The following STAT5B variants were observed in gnomAD, a reference collection of about 807,000 sequenced individuals.
STAT5B encodes the protein transcription factor STAT5B.
A neutral mutation model predicts 107.8 loss-of-function variants in STAT5B; 21 were observed. That is an observed-to-expected ratio of 0.19 (90% CI 0.14 to 0.28). The LOEUF (loss-of-function observed/expected upper bound fraction) is 0.28. Among genes scored for constraint, STAT5B ranks in the 10% least tolerant of loss-of-function variants. STAT5B has a pLI of 1.00. For missense variants in STAT5B, 565 were observed against 1,008.2 expected (o/e 0.56, Z 5.95); for synonymous variants, 325 against 401.7 (o/e 0.81, Z 2.28).
chr17:42,226,633 C>A (rs1364338890), intron 3 of STAT5B, among the ~76,000 whole-genome samples: 1 of 151,470 alleles, frequency 6.6e-6, no homozygotes, highest in East Asian at 1.9e-4. Flanking sequence ...CATGGAGAAA[C>A]CCCATCTCTA....
intron 1 of STAT5B, chr17:42,271,311 T>C (rs1283347429): frequency 6.6e-6 from 1 of 152,266 alleles, no homozygotes; most frequent in East Asian, 1.9e-4. Flanking sequence ...TTTAGTAGCC[T>C]GATGGGCATT....
At chr17:42,265,995 T>C (rs1192573228) in intron 1 of STAT5B, among the ~76,000 whole-genome samples, 1 of 152,200 alleles carries the variant, frequency 6.6e-6, no homozygotes, top group Non-Finnish European at 1.5e-5. Context: ...TAATGCTTTG[T>C]CATATATATT....
chr17:42,276,019 AG>A lies in STAT5B; in HGVS notation c.-11+228del, dbSNP rs1038640453. On this transcript the variant is annotated intron_variant, in intron 1 of 18. Coordinates refer to ENST00000293328, the MANE Select transcript of STAT5B (RefSeq NM_012448.4). The surrounding 1 kb of genome is among the most constrained non-coding windows in gnomAD (Gnocchi z 4.8). ...CCCCCGCGGCGCCGCGGCGTTCGCA[AG>A]TCCCCCTCGCGCACCCCGCATTGCC... Among the ~76,000 whole-genome samples, 1 of 150,454 alleles carries A rather than the reference AG, an allele frequency of 6.6e-6. No homozygotes were observed. The highest frequency in any genetic ancestry group is 1.5e-5 in the Non-Finnish European group (1 of 67,474).
chr17:42,204,921 A>G (rs1004953033), intron 16 of STAT5B, among the ~76,000 whole-genome samples: 15 of 152,208 alleles, frequency 9.9e-5, no homozygotes, highest in African/African-American at 2.9e-4. Context: ...GGCCCAAATT[A>G]TAAGTATCTT....
At chr17:42,265,587 G>A (rs1033783840) in intron 1 of STAT5B, among the ~76,000 whole-genome samples, 3 of 151,868 alleles carry the variant, frequency 2.0e-5, no homozygotes, top group East Asian at 1.9e-4. Context: ...TCCTGACCTC[G>A]TGATCCGACT....
At chr17:42,271,105 G>C (rs1476551595) in intron 1 of STAT5B, 3 of 152,210 alleles carry the variant, frequency 2.0e-5, no homozygotes, top group Non-Finnish European at 4.4e-5. Context: ...ATCTTCCCAG[G>C]TGAGCCATGG....
chr17:42,222,638 A>G (rs1043513097), intron 5 of STAT5B, among the ~76,000 whole-genome samples: 10 of 152,106 alleles, frequency 6.6e-5, no homozygotes, highest in Non-Finnish European at 1.3e-4. Context: ...GGCCTCCCAA[A>G]GCACCAGGAT....
chr17:42,211,414 G>A (rs1037576679), intron 13 of STAT5B, among the ~76,000 whole-genome samples: 4 of 152,126 alleles, frequency 2.6e-5, no homozygotes, highest in African/African-American at 9.7e-5. Flanking sequence ...GCTGAGGCAG[G>A]AGAATCGCTT....
intron 1 of STAT5B, among the ~76,000 whole-genome samples, chr17:42,259,552 C>T (rs2080576199): frequency 6.6e-6 from 1 of 152,020 alleles, no homozygotes; most frequent in Non-Finnish European, 1.5e-5. Flanking sequence ...TTTGGAAGGC[C>T]AAGGTGGGTG....
At chr17:42,287,040 C>T in the STAT5B span, among the ~76,000 whole-genome samples, 2 of 152,088 alleles carry the variant, frequency 1.3e-5, no homozygotes, top group South Asian at 2.1e-4. Flanking sequence ...CCTGGGGCCC[C>T]CTGCAGAGCA....
At position 42,251,025 on chromosome 17, in the gene STAT5B, T is replaced by C. The variant is rs1259755049; in HGVS notation, c.-10-18888A>G. 2.0e-5 allele frequency among the ~76,000 whole-genome samples: 3 copies of C among 151,310 alleles called. No individual in the cohort carries two copies. The East Asian group carries it at 5.8e-4, about 29-fold the overall frequency. On this transcript the variant is annotated intron_variant, in intron 1 of 18. Coordinates refer to ENST00000293328, the MANE Select transcript of STAT5B (RefSeq NM_012448.4). ...ATAACACGAGCCACAAAATGAATTA[T>C]CATAAAATGCAATTCACAAATGAAT...
chr17:42,203,982 G>C (rs1458144751), intron 16 of STAT5B, among the ~76,000 whole-genome samples: 1 of 152,074 alleles, frequency 6.6e-6, no homozygotes, highest in Admixed American at 6.6e-5. Flanking sequence ...TAATGGAAAG[G>C]CCTAGGCACT....
chr17:42,256,045 G>A (rs1034705718), intron 1 of STAT5B, among the ~76,000 whole-genome samples: 5 of 152,162 alleles, frequency 3.3e-5, no homozygotes, highest in Non-Finnish European at 5.9e-5. Flanking sequence ...CTAACCTCCA[G>A]CCTGGGTGAC....
At chr17:42,270,729 C>T (rs983046916) in intron 1 of STAT5B, 1 of 152,148 alleles carries the variant, frequency 6.6e-6, no homozygotes, top group Non-Finnish European at 1.5e-5. Context: ...GTGGCAGTGG[C>T]CAGCTCGCTT....
intron 5 of STAT5B, among the ~76,000 whole-genome samples, chr17:42,220,704 C>G (rs185439452): frequency 6.6e-6 from 1 of 152,010 alleles, no homozygotes; most frequent in Non-Finnish European, 1.5e-5. Flanking sequence ...AAAGGGAGGC[C>G]GAAGGGAGGC....
chr17:42,268,673 G>A (rs1287252189), intron 1 of STAT5B: 1 of 152,022 alleles, frequency 6.6e-6, no homozygotes, highest in Non-Finnish European at 1.5e-5. Context: ...CCACCTTCCT[G>A]GCATCAGAAA....
chr17:42,201,885 G>T, intron 18 of STAT5B, 21 bp from the exon 19 acceptor site: 7 of 1,612,734 alleles, frequency 4.3e-6, no homozygotes, highest in Non-Finnish European at 5.9e-6. Flanking sequence ...AAAGAAGAGG[G>T]ATGAAGGGAA....
At chr17:42,241,076 A>G (rs183507528) in intron 1 of STAT5B, among the ~76,000 whole-genome samples, 6 of 152,276 alleles carry the variant, frequency 3.9e-5, no homozygotes, top group South Asian at 2.1e-4. Flanking sequence ...GTGGTGGCTC[A>G]TGCTTGTAAT....
In STAT5B at chr17:42,202,460, G is replaced by A. The variant is rs769715895; in HGVS notation, c.2130-13C>T. ...TGCGTTCACAAACCTGCAGAAGGAA[G>A]AGAACAGAGCTTCAGCTGCCAGGGA... is the stretch of plus-strand genomic sequence containing the variant. On this transcript the variant is annotated splice_polypyrimidine_tract_variant and intron_variant, in intron 17 of 18. Coordinates refer to ENST00000293328, the MANE Select transcript of STAT5B (RefSeq NM_012448.4). 6.3e-5 allele frequency: 102 copies of A among 1,613,480 alleles called. No individual in the cohort carries two copies. Among genetic ancestry groups the A allele is most frequent in the Non-Finnish European group, 8.4e-5 (99 of 1,179,938 alleles).
Sources: gnomAD v4.1 joint callset for allele counts (sites outside exome capture counted in the v4.1 genomes callset) on GRCh38, gnomAD v4.1.1 for gene constraint, Gnocchi (gnomAD v3.1) non-coding constraint, MANE v1.5 for transcripts, NCBI Gene and HGNC (gene_info 2026-07-23, HGNC 2026-07-21) for gene names.